ATRNL1: variants seen among roughly 807,000 people sequenced by gnomAD.
The protein encoded by ATRNL1 is attractin-like protein 1.
ATRNL1 carries 95 observed loss-of-function variants against 182.7 expected under a neutral mutation model. That is an observed-to-expected ratio of 0.52 (90% CI 0.44 to 0.62). The LOEUF is 0.62. Among genes scored for constraint, ATRNL1 ranks in the 20% least tolerant of loss-of-function variants. The probability of loss-of-function intolerance (pLI) is 0.00; values close to 1 mark genes in which losing one functional copy is unlikely to be tolerated. For missense variants in ATRNL1, 1,471 were observed against 1,679.5 expected (o/e 0.88, Z 2.17); for synonymous variants, 576 against 568.3 (o/e 1.01, Z -0.19).
intron 28 of ATRNL1, among the ~76,000 whole-genome samples, chr10:115,936,222 T>C (rs1402225822): frequency 2.0e-5 from 3 of 152,328 alleles, no homozygotes; most frequent in African/African-American, 4.8e-5. Flanking sequence ...ACGGTGATGA[T>C]GATGAAGACT....
chr10:115,683,140 A>G (rs1330026922), intron 26 of ATRNL1, among the ~76,000 whole-genome samples: 1 of 152,100 alleles, frequency 6.6e-6, no homozygotes, highest in Non-Finnish European at 1.5e-5. Flanking sequence ...ATGTTTATAC[A>G]TATGGATATT....
rs185125124 is a variant in ATRNL1 at position 115,826,773 on chromosome 10, T to G, written c.3904-21104T>G. On this transcript the variant is annotated intron_variant, in intron 27 of 28. Coordinates refer to ENST00000355044, the MANE Select transcript of ATRNL1 (RefSeq NM_207303.4). ...GCATTTGGAATGAGGAAGCGCAGGC[T>G]GTAGGTAATCTTAGAAAAGGCAACA... Among the ~76,000 whole-genome samples the G allele has an allele frequency of 1.2e-4, 18 of 152,250 alleles. No homozygotes were observed. In the East Asian group the frequency reaches 3.1e-3, roughly 26 times the overall value.
chr10:115,361,091 T>A (rs1206082215), intron 19 of ATRNL1, among the ~76,000 whole-genome samples: 2 of 151,964 alleles, frequency 1.3e-5, no homozygotes, highest in East Asian at 1.9e-4. Flanking sequence ...TGAATGAGAA[T>A]CTTATGGGAG....
At chr10:115,243,791 GT>G (rs200699176) in intron 10 of ATRNL1, among the ~76,000 whole-genome samples, 1 of 151,184 alleles carries the variant, frequency 6.6e-6, no homozygotes, top group Non-Finnish European at 1.5e-5. Flanking sequence ...TTTAACAAAG[GT>G]TTTTTTTTAT....
At chr10:115,756,259 G>T (rs1555072032) in intron 27 of ATRNL1, among the ~76,000 whole-genome samples, 1 of 152,046 alleles carries the variant, frequency 6.6e-6, no homozygotes, top group African/African-American at 2.4e-5. Context: ...TGATATTAGG[G>T]AGTCAATGTT....
chr10:115,281,482 T>C lies in ATRNL1; in HGVS notation c.2228T>C (p.Leu743Ser). 6.2e-7 allele frequency: 1 copy of C among 1,612,994 alleles called. No individual in the cohort carries two copies. The highest frequency in any genetic ancestry group is 8.5e-7 in the Non-Finnish European group (1 of 1,179,414). ...WDQRQQECQA[L>S]PAHLCGEGWS... is the part of the protein sequence containing the mutation. Reference sequence around the variant, plus strand: ...CAGAGACAGCAAGAATGCCAGGCTTTACCAGGTAAAGATTTCAAAATTTAG... The same window carrying C: ...CAGAGACAGCAAGAATGCCAGGCTTCACCAGGTAAAGATTTCAAAATTTAG... The change falls in exon 14 of 29, where the codon TTA (leucine) becomes TCA (serine). Residue 743 changes from leucine to serine, a missense_variant. This residue lies in a region of ATRNL1 where 1,031 missense variants were observed against 1,156.0 expected (regional missense o/e 0.89). Transcript: ENST00000355044.
At chr10:115,626,775 A>T (rs1555024768) in intron 26 of ATRNL1, among the ~76,000 whole-genome samples, 1 of 152,178 alleles carries the variant, frequency 6.6e-6, no homozygotes, top group Non-Finnish European at 1.5e-5. Context: ...TTTATTTTTC[A>T]AACTCAAGTT....
At chr10:115,881,308 G>T (rs1951822170) in intron 28 of ATRNL1, among the ~76,000 whole-genome samples, 1 of 152,170 alleles carries the variant, frequency 6.6e-6, no homozygotes, top group Admixed American at 6.5e-5. Flanking sequence ...AGTGGAATCT[G>T]CATTTCAGCC....
At chr10:115,205,339 A>G (rs1428280729) in intron 8 of ATRNL1, among the ~76,000 whole-genome samples, 2 of 151,818 alleles carry the variant, frequency 1.3e-5, no homozygotes, top group African/African-American at 4.8e-5. Context: ...TAGACGATTT[A>G]TATTTAATGT....
chr10:115,683,411 G>T (rs1282942329), intron 26 of ATRNL1, among the ~76,000 whole-genome samples: 8 of 151,896 alleles, frequency 5.3e-5, no homozygotes, highest in Non-Finnish European at 2.9e-5. Flanking sequence ...TTCATTATCT[G>T]TAAGGAAAGC....
intron 8 of ATRNL1, among the ~76,000 whole-genome samples, chr10:115,215,242 A>T (rs1482784354): frequency 1.3e-5 from 2 of 152,168 alleles, no homozygotes; most frequent in African/African-American, 4.8e-5. Flanking sequence ...AGTGGGGCTT[A>T]TAACCAACAA....
chr10:115,175,505 C>T (rs1203560546), intron 8 of ATRNL1, among the ~76,000 whole-genome samples: 4 of 151,962 alleles, frequency 2.6e-5, no homozygotes, highest in Non-Finnish European at 5.9e-5. Flanking sequence ...ATAAATTTAT[C>T]TGCAGGGTAT....
intron 27 of ATRNL1, among the ~76,000 whole-genome samples, chr10:115,810,622 C>A (rs115584452): frequency 0.04 from 6,092 of 151,830 alleles, 353 homozygotes; most frequent in African/African-American, 0.13. Context: ...GGAAGTAAAA[C>A]CACAAGTGTT....
chr10:115,715,100 T>C (rs1947208020), intron 26 of ATRNL1, among the ~76,000 whole-genome samples: 1 of 152,194 alleles, frequency 6.6e-6, no homozygotes, highest in Non-Finnish European at 1.5e-5. Context: ...AGGGGCTGAC[T>C]AAGTAAGAAA....
At chr10:115,682,903 T>C (rs1593061099) in intron 26 of ATRNL1, among the ~76,000 whole-genome samples, 1 of 152,258 alleles carries the variant, frequency 6.6e-6, no homozygotes, top group East Asian at 1.9e-4. Flanking sequence ...GAATCTAGAC[T>C]GAGATTACTT....
intron 28 of ATRNL1, among the ~76,000 whole-genome samples, chr10:115,937,550 C>A (rs1442984123): frequency 3.9e-5 from 6 of 152,140 alleles, no homozygotes; most frequent in African/African-American, 1.2e-4. Flanking sequence ...ATGCATCGAG[C>A]CTTAGTTGCA....
At chr10:115,613,481 G>C (rs1335208553) in intron 26 of ATRNL1, among the ~76,000 whole-genome samples, 1 of 152,092 alleles carries the variant, frequency 6.6e-6, no homozygotes, top group Non-Finnish European at 1.5e-5. Flanking sequence ...TTTGCCTATA[G>C]TTTTCTTATT....
intron 26 of ATRNL1, among the ~76,000 whole-genome samples, chr10:115,555,462 G>A (rs548433084): frequency 1.3e-5 from 2 of 151,576 alleles, no homozygotes; most frequent in South Asian, 2.1e-4. Context: ...AAAAAGATTC[G>A]AGAAAGAAAT....
chr10:115,386,961 T>C (rs1858394988), intron 19 of ATRNL1, among the ~76,000 whole-genome samples: 2 of 151,752 alleles, frequency 1.3e-5, no homozygotes, highest in South Asian at 4.2e-4. Flanking sequence ...TAAAGACACA[T>C]GCACACGTAT....
Sources: allele counts gnomAD v4.1 joint callset (sites outside exome capture counted in the v4.1 genomes callset), GRCh38; gene constraint gnomAD v4.1.1; regional missense constraint gnomAD v4.1.1; transcripts MANE v1.5; gene names NCBI Gene and HGNC (gene_info 2026-07-23, HGNC 2026-07-21).